Variants in AHI1 observed in about 807,000 individuals in gnomAD.
AHI1 encodes jouberin.
In AHI1, 123 loss-of-function variants were observed where a neutral mutation model predicts 149.3. That is an observed-to-expected ratio of 0.82 (90% confidence interval 0.71 to 0.96). AHI1 has a LOEUF of 0.96. AHI1 is among the 40% of genes least tolerant of loss of function. The pLI is 0.00. For synonymous variants in AHI1, 475 were observed against 459.8 expected (o/e 1.03, Z -0.42); for missense variants, 1,439 against 1,422.7 (o/e 1.01, Z -0.18).
intron 23 of AHI1, among the ~76,000 whole-genome samples, chr6:135,374,303 G>T (rs1012191668): frequency 2.8e-4 from 42 of 151,038 alleles, no homozygotes; most frequent in African/African-American, 9.5e-4. Flanking sequence ...TAGTAGAGAC[G>T]GGGTCTCAGT....
intron 20 of AHI1, among the ~76,000 whole-genome samples, chr6:135,416,673 T>A (rs142508776): frequency 6.6e-6 from 1 of 152,074 alleles, no homozygotes; most frequent in Non-Finnish European, 1.5e-5. Context: ...TTTCAAGTTA[T>A]AGGCCTTGGT....
rs556367021 is a variant in AHI1 at position 135,311,637 on chromosome 6, C to G, written c.3426+6882G>C. Among the ~76,000 whole-genome samples, 5 of 152,190 alleles carry G rather than the reference C, an allele frequency of 3.3e-5. No homozygotes were observed. The South Asian group carries it at 6.2e-4, about 19-fold the overall frequency. On this transcript the variant is annotated intron_variant, in intron 26 of 28. Coordinates refer to ENST00000265602, the MANE Select transcript of AHI1 (RefSeq NM_001134831.2). ...TGGATCATAAAGGTTAATGCTTAGG[C>G]TAGCAAAAATAAAAAGGCTAAAAAG...
chr6:135,487,980 C>T (rs1459779668), intron 5 of AHI1, among the ~76,000 whole-genome samples: 1 of 151,960 alleles, frequency 6.6e-6, no homozygotes, highest in Non-Finnish European at 1.5e-5. Context: ...TCACAAATGA[C>T]TGACAACTTA....
At chr6:135,351,361 G>T (rs148471008) in intron 24 of AHI1, among the ~76,000 whole-genome samples, 105 of 152,214 alleles carry the variant, frequency 6.9e-4, no homozygotes, top group Admixed American at 3.4e-3. Context: ...TCAGCAGCTG[G>T]TATACACAAA....
intron 24 of AHI1, among the ~76,000 whole-genome samples, chr6:135,355,323 A>G (rs774662736): frequency 4.6e-5 from 7 of 152,048 alleles, no homozygotes; most frequent in Non-Finnish European, 8.8e-5. Flanking sequence ...AGGTATCTCA[A>G]AAAAACAAAT....
chr6:135,433,320 C>T (rs1784924647), intron 15 of AHI1, 64 bp from the exon 16 acceptor site: 1 of 1,256,260 alleles, frequency 8.0e-7, no homozygotes, highest in Non-Finnish European at 1.1e-6. Context: ...AACAGTTTTT[C>T]TAAGAACCAA....
intron 23 of AHI1, among the ~76,000 whole-genome samples, chr6:135,370,788 A>C (rs761113819): frequency 9.2e-5 from 14 of 152,126 alleles, no homozygotes; most frequent in Non-Finnish European, 1.8e-4. Flanking sequence ...CCAATTATTT[A>C]TATGGTTGCT....
chr6:135,425,015 G>C (rs1783733687), intron 20 of AHI1, among the ~76,000 whole-genome samples: 1 of 151,754 alleles, frequency 6.6e-6, no homozygotes, highest in South Asian at 2.1e-4. Flanking sequence ...TTTTCTTATG[G>C]ATCTATACCA....
chr6:135,418,782 T>C (rs1782732595), intron 20 of AHI1, among the ~76,000 whole-genome samples: 1 of 152,066 alleles, frequency 6.6e-6, no homozygotes, highest in Admixed American at 6.6e-5. Context: ...TTACTTTATA[T>C]GGTCATCTTA....
chr6:135,353,607 A>T (rs1289964572), intron 24 of AHI1, among the ~76,000 whole-genome samples: 1 of 152,136 alleles, frequency 6.6e-6, no homozygotes, highest in Admixed American at 6.5e-5. Flanking sequence ...AATCTACAGA[A>T]TTGGCTAAAC....
At chr6:135,436,392 T>C (rs2128032478) in intron 15 of AHI1, among the ~76,000 whole-genome samples, 1 of 152,236 alleles carries the variant, frequency 6.6e-6, no homozygotes, top group African/African-American at 2.4e-5. Context: ...AGTTAAACTG[T>C]CCAAATGGAT....
intron 5 of AHI1, among the ~76,000 whole-genome samples, chr6:135,489,609 A>G (rs1166211077): frequency 6.6e-6 from 1 of 152,136 alleles, no homozygotes; most frequent in African/African-American, 2.4e-5. Context: ...GAAAAAGCAC[A>G]TGCTATTTCA....
At chr6:135,355,759 C>G (rs557161749) in intron 24 of AHI1, among the ~76,000 whole-genome samples, 1 of 152,166 alleles carries the variant, frequency 6.6e-6, no homozygotes, top group African/African-American at 2.4e-5. Context: ...ATTAGCTGGG[C>G]GTGGTTGTGG....
In AHI1 at chr6:135,447,062, T is replaced by C. The variant is rs759747091; in HGVS notation, c.1725A>G (p.Glu575=). The C allele has an allele frequency of 1.2e-6, 2 of 1,609,690 alleles. No homozygotes were observed. The highest frequency in any genetic ancestry group is 1.7e-6 in the Non-Finnish European group (2 of 1,177,316). ...CTTCCTTTGACTCTTCTAATCCAGG[T>C]TCTGTGTCTACTGAGCTTGACTCAT... ...RHHESSSVDT[E]PGLEESKEVI... Residue 575 remains glutamate (E), a synonymous_variant, in exon 13 of 29, where the codon GAA becomes GAG. Coordinates refer to ENST00000265602, the MANE Select transcript of AHI1 (RefSeq NM_001134831.2).
At chr6:135,453,850 T>C (rs1788506695) in intron 10 of AHI1, among the ~76,000 whole-genome samples, 1 of 152,154 alleles carries the variant, frequency 6.6e-6, no homozygotes, top group Admixed American at 6.5e-5. Context: ...GTTGGGGTTT[T>C]TCTCTTTGGA....
chr6:135,288,784 A>G (rs1781987594), intron 28 of AHI1, among the ~76,000 whole-genome samples: 1 of 151,976 alleles, frequency 6.6e-6, no homozygotes, highest in Non-Finnish European at 1.5e-5. Flanking sequence ...TTCCTATAAG[A>G]GATTCCTTGA....
intron 23 of AHI1, among the ~76,000 whole-genome samples, chr6:135,360,350 A>C (rs1339116099): frequency 6.6e-6 from 1 of 152,228 alleles, no homozygotes; most frequent in Non-Finnish European, 1.5e-5. Flanking sequence ...GGCTTTGAGT[A>C]AAGCACACTG....
Position 135,457,526 on chromosome 6 carries a change from C to A in AHI1, c.1119G>T (p.Glu373Asp). 1 of 1,613,632 alleles carries A rather than the reference C, an allele frequency of 6.2e-7. No individual in the cohort carries two copies. Among genetic ancestry groups the A allele is most frequent in the Non-Finnish European group, 8.5e-7 (1 of 1,179,742 alleles). ...CTTTCTTGACATATTGACCAGTATGCTCATCAACCACATGAATTTTTACCA... is the reference window on the plus strand; with the variant it reads ...CTTTCTTGACATATTGACCAGTATGATCATCAACCACATGAATTTTTACCA... ...HPMVKIHVVDEHTGQYVKKDD... is the reference protein window; with the variant it reads ...HPMVKIHVVDDHTGQYVKKDD... The change falls in exon 9 of 29, where the codon GAG (glutamate) becomes GAT (aspartate). Residue 373 changes from glutamate to aspartate, a missense_variant. Coordinates refer to ENST00000265602, the MANE Select transcript of AHI1 (RefSeq NM_001134831.2).
intron 23 of AHI1, among the ~76,000 whole-genome samples, chr6:135,372,531 G>A (rs201097196): frequency 8.6e-5 from 12 of 139,746 alleles, no homozygotes; most frequent in Non-Finnish European, 1.3e-4. Context: ...AAAAAAAAAA[G>A]AAAAAAAAAA....
Sources: gnomAD v4.1 joint callset for allele counts (sites outside exome capture counted in the v4.1 genomes callset) on GRCh38, gnomAD v4.1.1 for gene constraint, MANE v1.5 for transcripts, NCBI Gene and HGNC (gene_info 2026-07-23, HGNC 2026-07-21) for gene names.